PIK3R5: variants seen among roughly 807,000 people sequenced by gnomAD.
PIK3R5 encodes phosphoinositide 3-kinase regulatory subunit 5.
A neutral mutation model predicts 94.9 loss-of-function variants in PIK3R5; 32 were observed. The observed-to-expected ratio is 0.34, with a 90% CI of 0.25 to 0.45. The LOEUF is 0.45. PIK3R5 is among the 20% of genes least tolerant of loss of function. The pLI, the probability that PIK3R5 is intolerant of heterozygous loss-of-function variation, is 1.00. For missense variants in PIK3R5, 853 were observed against 1,144.6 expected, an observed-to-expected ratio of 0.75 and a Z score of 3.68; for synonymous variants, 443 against 479.4, an observed-to-expected ratio of 0.92 and a Z score of 0.99.
chr17:8,889,008 C>A lies in PIK3R5; in HGVS notation c.896-117G>T. The A allele has an allele frequency of 6.6e-7, 1 of 1,516,220 alleles. No individual in the cohort carries two copies. 93.9% of individuals were successfully genotyped at this position (1,516,220 alleles called of 1,614,324 possible). The stretch of plus-strand genomic sequence containing the variant: ...CCAGCCCAGGACTCCTAGCACTGCC[C>A]CCTTGCTCTGCTTAGAGCCTGCTCA... On this transcript the variant is annotated intron_variant, in intron 9 of 18. Coordinates refer to ENST00000447110, the MANE Select transcript of PIK3R5 (RefSeq NM_001142633.3). The surrounding 1 kb of genome is among the most constrained non-coding windows in gnomAD (Gnocchi z 4.1).
chr17:8,887,114 G>A lies in PIK3R5; in HGVS notation c.1887C>T (p.Pro629=), dbSNP rs144629073. ...CACTTACCTGGCACAGGACTTCAGGGGGCAGGTGCATGAGGCCCAGTACAT... is the reference window on the plus strand; with the variant it reads ...CACTTACCTGGCACAGGACTTCAGGAGGCAGGTGCATGAGGCCCAGTACAT... ...ERNVLGLMHL[P]PEVLCQQSLK... Residue 629 remains proline, a synonymous_variant, in exon 12 of 19, where the codon CCC becomes CCT. Coordinates refer to ENST00000447110, the MANE Select transcript of PIK3R5 (RefSeq NM_001142633.3). 6.2e-7 allele frequency: 1 copy of A among 1,613,942 alleles called. No homozygotes were observed. Among genetic ancestry groups the A allele is most frequent in the Non-Finnish European group, 8.5e-7 (1 of 1,180,010 alleles).
intron 1 of PIK3R5, among the ~76,000 whole-genome samples, chr17:8,913,066 C>G (rs2090559416): frequency 6.6e-6 from 1 of 152,200 alleles, no homozygotes; most frequent in Non-Finnish European, 1.5e-5. Context: ...GACACAGACA[C>G]TGAGCAATGG....
In PIK3R5 at chr17:8,896,997, C is replaced by T. The variant is rs1477377572; in HGVS notation, c.413-3342G>A. Among the ~76,000 whole-genome samples, 1 of 152,180 alleles carries T rather than the reference C, an allele frequency of 6.6e-6. No individual in the cohort carries two copies. The highest frequency in any genetic ancestry group is 1.5e-5 in the Non-Finnish European group (1 of 68,042). On this transcript the variant is annotated intron_variant, in intron 5 of 18. Coordinates refer to ENST00000447110, the MANE Select transcript of PIK3R5 (RefSeq NM_001142633.3). This position sits in a 1 kb window ranked among gnomAD's most constrained non-coding sequence, Gnocchi z 4.0. ...GGTGGACAGTTTGACCTACCTCATA[C>T]CCTGAAGCAAACACCAGGCACACCA...
At chr17:8,919,194 T>A (rs569441423) in intron 1 of PIK3R5, among the ~76,000 whole-genome samples, 47 of 152,366 alleles carry the variant, frequency 3.1e-4, no homozygotes, top group African/African-American at 1.1e-3. Flanking sequence ...ATGAGGTCTG[T>A]CGTTTAGTTA....
intron 3 of PIK3R5, among the ~76,000 whole-genome samples, chr17:8,907,596 C>G (rs1597393447): frequency 6.8e-6 from 1 of 147,876 alleles, no homozygotes; most frequent in African/African-American, 2.5e-5. Flanking sequence ...TTTCACCATG[C>G]TTTTCCTGCA....
At chr17:8,900,135 T>C (rs1419336842) in intron 5 of PIK3R5, among the ~76,000 whole-genome samples, 1 of 152,208 alleles carries the variant, frequency 6.6e-6, no homozygotes, top group Non-Finnish European at 1.5e-5. Flanking sequence ...AATTAGGGCT[T>C]AGGTTCTTTA....
At chr17:8,962,786 T>C (rs1038459903) in intron 1 of PIK3R5, among the ~76,000 whole-genome samples, 1 of 152,240 alleles carries the variant, frequency 6.6e-6, no homozygotes, top group Non-Finnish European at 1.5e-5. Context: ...TTCAAATTGA[T>C]GAAATATTTT....
At chr17:8,951,733 T>C (rs1334097250) in intron 1 of PIK3R5, among the ~76,000 whole-genome samples, 4 of 152,214 alleles carry the variant, frequency 2.6e-5, no homozygotes, top group Non-Finnish European at 4.4e-5. Context: ...GGAGGCAAGC[T>C]TACTCCACAA....
At chr17:8,891,002 C>G (rs759584576) in intron 6 of PIK3R5, 90 bp from the exon 7 acceptor site, 19 of 1,283,098 alleles carry the variant, frequency 1.5e-5, no homozygotes, top group Non-Finnish European at 1.8e-5. Context: ...GTGCTCAGCT[C>G]CACTGAGACC....
intron 1 of PIK3R5, among the ~76,000 whole-genome samples, chr17:8,946,537 G>C (rs2091274568): frequency 1.3e-5 from 2 of 151,604 alleles, no homozygotes; most frequent in South Asian, 4.2e-4. Context: ...GCCCTCAGAG[G>C]CTGTCCAACC....
chr17:8,957,572 T>C (rs748118257), intron 1 of PIK3R5, among the ~76,000 whole-genome samples: 1 of 152,210 alleles, frequency 6.6e-6, no homozygotes, highest in Non-Finnish European at 1.5e-5. Context: ...TTGCTCAGCA[T>C]CCTCCAAATG....
intron 10 of PIK3R5, 115 bp from the exon 11 acceptor site, chr17:8,887,798 G>T: frequency 1.1e-6 from 1 of 905,258 alleles, no homozygotes; most frequent in Non-Finnish European, 1.6e-6. Context: ...TTCAAGACCA[G>T]CCTGGTCAAC....
Position 8,904,927 on chromosome 17 carries a change from G to A in PIK3R5, c.274-12C>T. 1.2e-6 allele frequency: 2 copies of A among 1,611,084 alleles called. No homozygotes were observed. Among genetic ancestry groups the A allele is most frequent in the Non-Finnish European group, 1.7e-6 (2 of 1,179,902 alleles). On this transcript the variant is annotated splice_polypyrimidine_tract_variant and intron_variant, in intron 4 of 18. Transcript: ENST00000447110. The surrounding 1 kb of genome is among the most constrained non-coding windows in gnomAD (Gnocchi z 5.1). ...GGGAAGTGTGGTGTCTAGGATGGAG[G>A]CAGGCAACAAGCAAAGAGATCTAGG...
At chr17:8,906,250 C>T (rs973933768) in intron 3 of PIK3R5, among the ~76,000 whole-genome samples, 13 of 152,162 alleles carry the variant, frequency 8.5e-5, no homozygotes, top group East Asian at 1.9e-4. Context: ...TGAGAACATG[C>T]GGTGTTTGGT....
At chr17:8,942,078 C>T (rs2091191408) in intron 1 of PIK3R5, among the ~76,000 whole-genome samples, 1 of 152,144 alleles carries the variant, frequency 6.6e-6, no homozygotes, top group Non-Finnish European at 1.5e-5. Context: ...GTCACCCTGC[C>T]AGCTCCTCAC....
intron 1 of PIK3R5, among the ~76,000 whole-genome samples, chr17:8,934,050 T>G (rs1283697848): frequency 6.6e-6 from 1 of 152,206 alleles, no homozygotes; most frequent in Non-Finnish European, 1.5e-5. Context: ...CAAGGATGTC[T>G]GTTCTTACCT....
Position 8,880,669 on chromosome 17 carries a change from G to A in PIK3R5, c.2613C>T (p.Pro871=), listed in dbSNP as rs1358344659. Residue 871 remains proline (P), a synonymous_variant, in exon 19 of 19, where the codon CCC becomes CCT. Transcript: ENST00000447110. ...GCAGAGCTCCACTGAAAGTCATGAT[G>A]GGCAGGCAGAGAAGGGAGCAGAGAT... The part of the protein sequence containing the change: ...APDLCSLLCL[P]IMTFSGALP The A allele has an allele frequency of 8.7e-6, 14 of 1,612,608 alleles. No homozygotes were observed. In the African/African-American group the frequency reaches 9.3e-5, roughly 11 times the overall value.
chr17:8,921,047 G>A (rs1161711761), intron 1 of PIK3R5, among the ~76,000 whole-genome samples: 1 of 151,790 alleles, frequency 6.6e-6, no homozygotes, highest in African/African-American at 2.4e-5. Context: ...CACCATGTTG[G>A]TCAGGTTGGT....
chr17:8,918,158 C>T (rs543875251), intron 1 of PIK3R5, among the ~76,000 whole-genome samples: 19 of 152,312 alleles, frequency 1.2e-4, no homozygotes, highest in African/African-American at 4.6e-4. Context: ...AGAGAAAGCC[C>T]AGAGGCAATG....
Sources: allele counts gnomAD v4.1 joint callset (sites outside exome capture counted in the v4.1 genomes callset), GRCh38; gene constraint gnomAD v4.1.1; non-coding constraint Gnocchi (gnomAD v3.1); transcripts MANE v1.5; gene names NCBI Gene and HGNC (gene_info 2026-07-23, HGNC 2026-07-21).